MARCHF10: variants seen among roughly 807,000 people sequenced by gnomAD.
MARCHF10 encodes probable E3 ubiquitin-protein ligase MARCHF10.
MARCHF10 carries 64 observed loss-of-function variants against 76.2 expected under a neutral mutation model. That is an observed-to-expected ratio of 0.84 (90% confidence interval 0.69 to 1.03). The LOEUF (loss-of-function observed/expected upper bound fraction) is 1.03. Ranked by LOEUF, MARCHF10 falls within the 50% of genes least tolerant of loss-of-function variation. The probability of loss-of-function intolerance (pLI) is 0.00; values close to 1 mark genes in which losing one functional copy is unlikely to be tolerated. For synonymous variants in MARCHF10, 340 were observed against 357.5 expected (o/e 0.95, Z 0.55); for missense variants, 875 against 958.0 (o/e 0.91, Z 1.14).
intron 6 of MARCHF10, among the ~76,000 whole-genome samples, chr17:62,734,089 C>G (rs2091153745): frequency 6.6e-6 from 1 of 151,972 alleles, no homozygotes; most frequent in Admixed American, 6.6e-5. Context: ...GAGGCTGAGG[C>G]ACGAGAATTG....
intron 3 of MARCHF10, among the ~76,000 whole-genome samples, chr17:62,773,015 T>C (rs1448958251): frequency 6.6e-6 from 1 of 152,226 alleles, no homozygotes; most frequent in Non-Finnish European, 1.5e-5. Flanking sequence ...TCTCATTTTA[T>C]GTTTTTGAAA....
At chr17:62,709,944 C>T (rs1048458789) in intron 9 of MARCHF10, among the ~76,000 whole-genome samples, 1 of 152,192 alleles carries the variant, frequency 6.6e-6, no homozygotes, top group Non-Finnish European at 1.5e-5. Context: ...CAGGGTTTCT[C>T]CAGTTCAATG....
In MARCHF10 at chr17:62,793,321, C is replaced by A. The variant is rs1334152667; in HGVS notation, c.91-4722G>T. Among the ~76,000 whole-genome samples the A allele has an allele frequency of 5.4e-5, 8 of 147,216 alleles. 1 individual carries two copies. Among genetic ancestry groups the A allele is most frequent in the Admixed American group, 2.7e-4 (4 of 14,872 alleles). ...ACCACCTCCATCACCACCACCACCT[C>A]CACCACCACCACAAACACCATCAAC... is the stretch of plus-strand genomic sequence containing the variant. On this transcript the variant is annotated intron_variant, in intron 2 of 10. Transcript: ENST00000311269.
chr17:62,798,949 G>T (rs1261686887), intron 2 of MARCHF10, among the ~76,000 whole-genome samples: 1 of 152,218 alleles, frequency 6.6e-6, no homozygotes, highest in African/African-American at 2.4e-5. Context: ...ACTAGATGGT[G>T]TGTAGCCTGG....
At chr17:62,764,491 G>A (rs2092283988) in intron 3 of MARCHF10, among the ~76,000 whole-genome samples, 2 of 152,212 alleles carry the variant, frequency 1.3e-5, no homozygotes, top group Non-Finnish European at 2.9e-5. Context: ...ACTGTGTTGA[G>A]TACATTTGAA....
intron 9 of MARCHF10, among the ~76,000 whole-genome samples, chr17:62,708,585 TG>T (rs2089735742): frequency 6.6e-6 from 1 of 152,158 alleles, no homozygotes; most frequent in Non-Finnish European, 1.5e-5. Flanking sequence ...TGCATCAGAA[TG>T]TTACTAAGCA....
At chr17:62,757,264 T>C (rs2092073867) in intron 4 of MARCHF10, among the ~76,000 whole-genome samples, 1 of 152,198 alleles carries the variant, frequency 6.6e-6, no homozygotes, top group African/African-American at 2.4e-5. Flanking sequence ...ATCTCAGGTC[T>C]GACATGGAAG....
intron 5 of MARCHF10, among the ~76,000 whole-genome samples, chr17:62,740,555 G>A (rs2091468391): frequency 6.6e-6 from 1 of 152,196 alleles, no homozygotes. Context: ...AAACTCGGAT[G>A]ATCATTGCTA....
chr17:62,756,123 C>G (rs146382990), intron 4 of MARCHF10, among the ~76,000 whole-genome samples: 1 of 152,144 alleles, frequency 6.6e-6, no homozygotes, highest in African/African-American at 2.4e-5. Context: ...TGGCGCATGT[C>G]TGTAATCCCA....
chr17:62,807,163 T>A (rs545287484), intron 1 of MARCHF10, among the ~76,000 whole-genome samples: 1 of 152,328 alleles, frequency 6.6e-6, no homozygotes, highest in East Asian at 1.9e-4. Flanking sequence ...TGTCAGACAT[T>A]ATAGGATTTG....
At chr17:62,762,730 G>A (rs1231345854) in intron 3 of MARCHF10, among the ~76,000 whole-genome samples, 1 of 152,176 alleles carries the variant, frequency 6.6e-6, no homozygotes. Flanking sequence ...TATTTTAGTA[G>A]AGATGGGGTT....
chr17:62,701,887 G>A (rs936744275), intron 10 of MARCHF10, 129 bp from the exon 11 acceptor site: 26 of 1,226,812 alleles, frequency 2.1e-5, no homozygotes, highest in Admixed American at 1.4e-4. Context: ...CATGGCCACA[G>A]TGCCTGGAAC....
intron 5 of MARCHF10, among the ~76,000 whole-genome samples, chr17:62,739,414 C>G (rs8065421): frequency 0.016 from 2,348 of 149,746 alleles, 50 homozygotes; most frequent in African/African-American, 0.054. Flanking sequence ...CAGAGTTTCA[C>G]TCTTTTTGCT....
At chr17:62,787,347 A>C (rs890636945) in intron 3 of MARCHF10, among the ~76,000 whole-genome samples, 1 of 152,154 alleles carries the variant, frequency 6.6e-6, no homozygotes, top group African/African-American at 2.4e-5. Context: ...AAGAAATCTC[A>C]ACAAGAACTT....
rs562150066 is a variant in MARCHF10 at position 62,777,980 on chromosome 17, C to T, written c.210+10500G>A. Among the ~76,000 whole-genome samples, 16 of 152,294 alleles carry T rather than the reference C, an allele frequency of 1.1e-4. No individual in the cohort carries two copies. The South Asian group carries it at 3.3e-3, about 32-fold the overall frequency. Reference sequence around the variant, plus strand: ...CTCACCTGCCCTGCATCACAACTGTCAGTCATCAAATATGCATGGAGCTCC... The same window carrying T: ...CTCACCTGCCCTGCATCACAACTGTTAGTCATCAAATATGCATGGAGCTCC... On this transcript the variant is annotated intron_variant, in intron 3 of 10. Coordinates refer to ENST00000311269, the MANE Select transcript of MARCHF10 (RefSeq NM_152598.4).
intron 2 of MARCHF10, among the ~76,000 whole-genome samples, chr17:62,800,212 GC>G (rs2093048895): frequency 1.3e-5 from 2 of 152,184 alleles, no homozygotes; most frequent in South Asian, 4.1e-4. Context: ...AGTGTTAAGA[GC>G]CCAATGGAGA....
chr17:62,774,784 G>A (rs190861351), intron 3 of MARCHF10, among the ~76,000 whole-genome samples: 2 of 152,216 alleles, frequency 1.3e-5, no homozygotes, highest in Admixed American at 1.3e-4. Flanking sequence ...GGCCGGGCAT[G>A]GTGGCTCACG....
intron 3 of MARCHF10, among the ~76,000 whole-genome samples, chr17:62,760,545 T>C (rs537511709): frequency 6.6e-6 from 1 of 152,316 alleles, no homozygotes; most frequent in East Asian, 1.9e-4. Flanking sequence ...CACTCTTCTA[T>C]AAAGAAGTCA....
At chr17:62,741,725 C>T (rs1402031481) in intron 5 of MARCHF10, among the ~76,000 whole-genome samples, 2 of 152,076 alleles carry the variant, frequency 1.3e-5, no homozygotes, top group Non-Finnish European at 2.9e-5. Context: ...GAGACAGAGT[C>T]TCACTCTGTC....
Sources: gnomAD v4.1 joint callset for allele counts (sites outside exome capture counted in the v4.1 genomes callset) on GRCh38, gnomAD v4.1.1 for gene constraint, MANE v1.5 for transcripts, NCBI Gene and HGNC (gene_info 2026-07-23, HGNC 2026-07-21) for gene names.